Variants in PSMD1 observed in about 807,000 individuals in gnomAD.
PSMD1 encodes proteasome 26S subunit, non-ATPase 1.
Under a neutral mutation model 119.0 loss-of-function variants are expected in PSMD1, and 18 were observed. The observed-to-expected ratio is 0.15, with a 90% CI of 0.10 to 0.22. PSMD1 has a LOEUF of 0.22. Among genes scored for constraint, PSMD1 ranks in the 10% least tolerant of loss-of-function variants. The pLI is 1.00. For synonymous variants in PSMD1, 374 were observed against 396.6 expected (o/e 0.94, Z 0.68); for missense variants, 702 against 1,158.5 (o/e 0.61, Z 5.72).
At position 231,060,644 on chromosome 2, in the gene PSMD1, T is replaced by C. The variant is rs533276626; in HGVS notation, c.17-623T>C. Among the ~76,000 whole-genome samples the C allele has an allele frequency of 2.0e-5, 3 of 152,312 alleles. No homozygotes were observed. The South Asian group carries it at 6.2e-4, about 32-fold the overall frequency. On this transcript the variant is annotated intron_variant, in intron 1 of 24. Transcript: ENST00000308696. ...TATGGAGAACACTGTGCTTGGGTAA[T>C]TGAATTCAGAATGAGTATGATTGTT... is the stretch of plus-strand genomic sequence containing the variant.
chr2:231,070,801 A>AT (rs555965912), intron 6 of PSMD1, among the ~76,000 whole-genome samples: 9 of 152,014 alleles, frequency 5.9e-5, no homozygotes, highest in Non-Finnish European at 1.0e-4. Flanking sequence ...GGAGGTGTGC[A>AT]TGGGTTTACT....
Position 231,076,560 on chromosome 2 carries a change from G to A in PSMD1, c.943-474G>A, listed in dbSNP as rs534752364. ...CACACGCCTTTAATCCCAGGTACTC[G>A]GGAGAATTGCTTGAGCTTGGGAAGT... On this transcript the variant is annotated intron_variant, in intron 8 of 24. Coordinates refer to ENST00000308696, the MANE Select transcript of PSMD1 (RefSeq NM_002807.4). Among the ~76,000 whole-genome samples, 16 of 152,102 alleles carry A rather than the reference G, an allele frequency of 1.1e-4. No homozygotes were observed. The East Asian group carries it at 1.4e-3, about 13-fold the overall frequency.
rs1263508734 is a variant in PSMD1, at chr2:231,170,870, T to C, written c.*9+149T>C. ...ATTAAAACTTCCCCGTTTCAACCTT[T>C]TTCTGCATATATAACCACAAATTCC... On this transcript the variant is annotated intron_variant, in intron 24 of 24. Coordinates refer to ENST00000308696, the MANE Select transcript of PSMD1 (RefSeq NM_002807.4). The surrounding 1 kb of genome is among the most constrained non-coding windows in gnomAD (Gnocchi z 4.1). 4 of 825,434 alleles carry C rather than the reference T, an allele frequency of 4.8e-6. No homozygotes were observed. In the East Asian group the frequency reaches 8.8e-5, roughly 18 times the overall value. 51.1% of individuals were successfully genotyped at this position (825,434 alleles called of 1,614,324 possible).
At chr2:231,145,708 A>G (rs868507943) in intron 17 of PSMD1, among the ~76,000 whole-genome samples, 1 of 152,036 alleles carries the variant, frequency 6.6e-6, no homozygotes, top group Non-Finnish European at 1.5e-5. Context: ...AGCCTGGCCA[A>G]CGTGGTGAAA....
At chr2:231,163,998 CT>C (rs2125269169) in intron 21 of PSMD1, among the ~76,000 whole-genome samples, 1 of 152,294 alleles carries the variant, frequency 6.6e-6, no homozygotes, top group South Asian at 2.1e-4. Flanking sequence ...TCTCTACATA[CT>C]TTTCTGCATC....
At chr2:231,168,053 T>C (rs1167867086) in intron 23 of PSMD1, among the ~76,000 whole-genome samples, 1 of 152,186 alleles carries the variant, frequency 6.6e-6, no homozygotes, top group Non-Finnish European at 1.5e-5. Flanking sequence ...GAACAGCCAC[T>C]GGACACCAGC....
intron 20 of PSMD1, chr2:231,163,294 A>G: frequency 5.2e-6 from 1 of 193,356 alleles, no homozygotes; most frequent in Non-Finnish European, 1.1e-5. Context: ...GGCAGTTTGT[A>G]TGCAGGATAG....
At chr2:231,101,379 A>C (rs149593415) in intron 16 of PSMD1, among the ~76,000 whole-genome samples, 2,372 of 152,306 alleles carry the variant, frequency 0.016, 30 homozygotes, top group Non-Finnish European at 0.025. Flanking sequence ...ATCTTTCCCT[A>C]TAATTTTTAT....
intron 1 of PSMD1, chr2:231,060,378 C>T (rs1189943957): frequency 2.6e-5 from 4 of 152,222 alleles, no homozygotes; most frequent in African/African-American, 9.6e-5. Context: ...AACTAAGTTG[C>T]CTTGACACTT....
At position 231,170,427 on chromosome 2, in the gene PSMD1, C is replaced by A. The variant is rs1696887469; in HGVS notation, c.2716-139C>A. On this transcript the variant is annotated intron_variant, in intron 23 of 24. Transcript: ENST00000308696. The surrounding 1 kb of genome is among the most constrained non-coding windows in gnomAD (Gnocchi z 4.1). The stretch of plus-strand genomic sequence containing the variant: ...TCGTATAGATCACAGTTATCTTTAT[C>A]CCAGTAAAGTTCTACTCCAGTTTTT... The A allele has an allele frequency of 1.2e-6, 1 of 852,446 alleles. No individual in the cohort carries two copies. Among genetic ancestry groups the A allele is most frequent in the Non-Finnish European group, 1.7e-6 (1 of 585,758 alleles). 52.8% of individuals were successfully genotyped at this position (852,446 alleles called of 1,614,324 possible). A position where few individuals can be genotyped will look rare whatever the true frequency, so the allele number is the denominator to read the frequency against.
At chr2:231,078,806 T>TC in intron 10 of PSMD1, 59 bp downstream of exon 10, 2 of 1,357,848 alleles carry the variant, frequency 1.5e-6, no homozygotes, top group Non-Finnish European at 2.0e-6. Flanking sequence ...TTTTTTTTTT[T>TC]TTTTTTTTTG....
chr2:231,146,010 T>G (rs1696244266), intron 17 of PSMD1, among the ~76,000 whole-genome samples: 3 of 152,170 alleles, frequency 2.0e-5, no homozygotes, highest in Admixed American at 6.6e-5. Flanking sequence ...TTTTAAACTT[T>G]TTTGTAAAAA....
At chr2:231,167,181 A>G (rs1056177622) in intron 23 of PSMD1, among the ~76,000 whole-genome samples, 5 of 151,616 alleles carry the variant, frequency 3.3e-5, no homozygotes, top group African/African-American at 1.2e-4. Flanking sequence ...ATCAATGGAT[A>G]CCTTTAATGC....
chr2:231,110,630 T>G (rs1280070927), intron 16 of PSMD1, among the ~76,000 whole-genome samples: 1 of 152,216 alleles, frequency 6.6e-6, no homozygotes, highest in Non-Finnish European at 1.5e-5. Flanking sequence ...CCTCAAACCC[T>G]TTCTAACAGA....
At chr2:231,152,006 G>A (rs1696387839) in intron 18 of PSMD1, among the ~76,000 whole-genome samples, 1 of 151,982 alleles carries the variant, frequency 6.6e-6, no homozygotes, top group South Asian at 2.1e-4. Context: ...TAGAGACAGG[G>A]CTTCGCCATA....
chr2:231,153,191 C>T (rs1696409064), intron 18 of PSMD1, among the ~76,000 whole-genome samples: 1 of 152,190 alleles, frequency 6.6e-6, no homozygotes, highest in South Asian at 2.1e-4. Context: ...TTTAGGAAAC[C>T]CGCAAGGTTG....
chr2:231,106,150 A>G (rs1344945644), intron 16 of PSMD1, among the ~76,000 whole-genome samples: 1 of 151,734 alleles, frequency 6.6e-6, no homozygotes, highest in Non-Finnish European at 1.5e-5. Context: ...CAAATTATAC[A>G]TCTCTTTAAA....
intron 24 of PSMD1, among the ~76,000 whole-genome samples, chr2:231,171,809 G>A (rs1696918491): frequency 6.6e-6 from 1 of 151,976 alleles, no homozygotes. Context: ...GCGAACCTCG[G>A]CCTCCCAAAG....
At chr2:231,144,499 G>A (rs189922774) in intron 17 of PSMD1, among the ~76,000 whole-genome samples, 39 of 126,156 alleles carry the variant, frequency 3.1e-4, no homozygotes, top group African/African-American at 1.1e-3. Flanking sequence ...TGCTGATCAC[G>A]ATCTCCTGAC....
Sources: gnomAD v4.1 joint callset for allele counts (sites outside exome capture counted in the v4.1 genomes callset) on GRCh38, gnomAD v4.1.1 for gene constraint, Gnocchi (gnomAD v3.1) non-coding constraint, MANE v1.5 for transcripts, NCBI Gene and HGNC (gene_info 2026-07-23, HGNC 2026-07-21) for gene names.